The following HYAL4 variants were observed in gnomAD, a reference collection of about 807,000 sequenced individuals.
HYAL4 encodes the protein hyaluronidase-4.
A neutral mutation model predicts 35.2 loss-of-function variants in HYAL4; 37 were observed. The observed-to-expected ratio is 1.05, with a 90% CI of 0.81 to 1.38. HYAL4 has a LOEUF of 1.38. Ranked by LOEUF, HYAL4 falls within the 40% of genes most tolerant of loss-of-function variation. The probability of loss-of-function intolerance (pLI) is 0.00; values close to 1 mark genes in which losing one functional copy is unlikely to be tolerated. For synonymous variants in HYAL4, 198 were observed against 203.2 expected (o/e 0.97, Z 0.22); for missense variants, 572 against 572.4 (o/e 1.00, Z 0.01).
Position 123,868,415 on chromosome 7 carries a change from T to G in HYAL4, c.142T>G (p.Phe48Val). 6.2e-7 allele frequency: 1 copy of G among 1,613,078 alleles called. No homozygotes were observed. The highest frequency in any genetic ancestry group is 8.5e-7 in the Non-Finnish European group (1 of 1,179,638). Residue 48 changes from phenylalanine to valine, a missense_variant, in exon 3 of 5, where the codon TTT becomes GTT. Phe to Val is a conservative substitution (Grantham distance 50). Transcript: ENST00000223026. ...ACTTCCAATTTATCAAAGGAAACCT[T>G]TTATAGCTGCTTGGAATGCTCCAAC... The part of the protein sequence containing the change: ...ARLPIYQRKP[F>V]IAAWNAPTDQ...
At chr7:123,773,947 C>T in the HYAL4 span, among the ~76,000 whole-genome samples, 27 of 151,726 alleles carry the variant, frequency 1.8e-4, no homozygotes, top group African/African-American at 6.3e-4. Flanking sequence ...TTATGCATGG[C>T]AGTCTGCTAG....
chr7:123,785,841 A>T, the HYAL4 span, among the ~76,000 whole-genome samples: 13 of 152,194 alleles, frequency 8.5e-5, no homozygotes, highest in Non-Finnish European at 1.6e-4. The surrounding 1 kb of genome is among the most constrained non-coding windows in gnomAD (Gnocchi z 4.5). Flanking sequence ...TACATTGAAA[A>T]TATGTTGCCA....
the HYAL4 span, among the ~76,000 whole-genome samples, chr7:123,778,016 CTACT>C: frequency 6.6e-6 from 1 of 151,064 alleles, no homozygotes; most frequent in South Asian, 2.1e-4. Context: ...TTTATTTTAA[CTACT>C]TATTTTGAAA....
the HYAL4 span, among the ~76,000 whole-genome samples, chr7:123,768,959 C>T: frequency 6.6e-6 from 1 of 152,102 alleles, no homozygotes; most frequent in Non-Finnish European, 1.5e-5. Flanking sequence ...TTTTCAGAGA[C>T]CCATGAGCAT....
Position 123,869,085 on chromosome 7 carries a change from G to A in HYAL4, c.812G>A (p.Ser271Asn). Residue 271 changes from serine (S) to asparagine (N), a missense_variant, in exon 3 of 5, where the codon AGT becomes AAT. Transcript: ENST00000223026. ...SIGVWKSLGD[S>N]ENILRFSKFR... is the part of the protein sequence containing the mutation. ...GGTGTCTGGAAATCCCTTGGAGACA[G>A]TGAAAACATTTTGCGCTTCTCCAAA... The A allele has an allele frequency of 1.2e-6, 2 of 1,614,222 alleles. No homozygotes were observed. Among genetic ancestry groups the A allele is most frequent in the Non-Finnish European group, 1.7e-6 (2 of 1,180,040 alleles).
intron 2 of HYAL4, among the ~76,000 whole-genome samples, chr7:123,854,420 G>T (rs752827273): frequency 6.6e-6 from 1 of 152,138 alleles, no homozygotes; most frequent in Non-Finnish European, 1.5e-5. Context: ...GGTACATTGT[G>T]TCTTTGTTCT....
chr7:123,850,273 A>C (rs1404063179), intron 2 of HYAL4, among the ~76,000 whole-genome samples: 1 of 152,064 alleles, frequency 6.6e-6, no homozygotes, highest in Non-Finnish European at 1.5e-5. Flanking sequence ...ACAGGGTCTC[A>C]CTCTGTCACT....
At chr7:123,800,206 G>C in the HYAL4 span, among the ~76,000 whole-genome samples, 12 of 147,202 alleles carry the variant, frequency 8.2e-5, no homozygotes, top group East Asian at 2.6e-3. Flanking sequence ...GTCTTGCTCT[G>C]TCACCCAGGC....
chr7:123,857,348 G>A (rs999467626), intron 2 of HYAL4, among the ~76,000 whole-genome samples: 4 of 152,162 alleles, frequency 2.6e-5, no homozygotes, highest in African/African-American at 7.2e-5. Context: ...TGCAGGTTGC[G>A]AAGACCATGG....
chr7:123,868,272 C>T lies in HYAL4; in HGVS notation c.-2C>T, dbSNP rs1374164115. On this transcript the variant is annotated 5_prime_UTR_variant, in exon 3 of 5. Coordinates refer to ENST00000223026, the MANE Select transcript of HYAL4 (RefSeq NM_012269.3). ...AAGATAACGTAACATTTTTATCTTA[C>T]CATGAAAGTATTATCTGAAGGACAG... 1.2e-5 allele frequency: 18 copies of T among 1,502,692 alleles called. No homozygotes were observed. The highest frequency in any genetic ancestry group is 1.6e-5 in the Non-Finnish European group (18 of 1,122,092). The allele number at this position is 1,502,692 out of a possible 1,614,324, so 93.1% of individuals were successfully genotyped here.
chr7:123,856,957 G>A (rs769440234), intron 2 of HYAL4, among the ~76,000 whole-genome samples: 1 of 152,226 alleles, frequency 6.6e-6, no homozygotes, highest in Middle Eastern at 3.4e-3. Context: ...CACCCATTTC[G>A]AACTTCCCAG....
At chr7:123,806,034 G>A in the HYAL4 span, among the ~76,000 whole-genome samples, 1 of 151,904 alleles carries the variant, frequency 6.6e-6, no homozygotes, top group African/African-American at 2.4e-5. Context: ...AAATATATAT[G>A]GAAATGCAAA....
intron 1 of HYAL4, among the ~76,000 whole-genome samples, chr7:123,836,687 A>G (rs763557684): frequency 1.3e-5 from 2 of 150,478 alleles, no homozygotes; most frequent in African/African-American, 4.9e-5. Context: ...TGTGAGATTT[A>G]TGCTTTAAAG....
intron 1 of HYAL4, among the ~76,000 whole-genome samples, chr7:123,834,214 G>A (rs1417680770): frequency 6.6e-6 from 1 of 152,122 alleles, no homozygotes; most frequent in Non-Finnish European, 1.5e-5. Flanking sequence ...ACCCATCCAT[G>A]AGCATGGGAT....
the HYAL4 span, among the ~76,000 whole-genome samples, chr7:123,773,445 A>G: frequency 6.6e-6 from 1 of 152,182 alleles, no homozygotes; most frequent in Non-Finnish European, 1.5e-5. Context: ...TGCTACCTGA[A>G]ATTACATTAT....
chr7:123,778,029 A>G, the HYAL4 span, among the ~76,000 whole-genome samples: 1 of 152,044 alleles, frequency 6.6e-6, no homozygotes, highest in Non-Finnish European at 1.5e-5. Flanking sequence ...CTTATTTTGA[A>G]ATAATTTTGT....
At chr7:123,765,957 T>C in the HYAL4 span, among the ~76,000 whole-genome samples, 1 of 152,202 alleles carries the variant, frequency 6.6e-6, no homozygotes, top group Admixed American at 6.5e-5. Flanking sequence ...TTACTCTTCC[T>C]TAAGCTATTT....
At chr7:123,819,676 T>C in the HYAL4 span, among the ~76,000 whole-genome samples, 1 of 152,094 alleles carries the variant, frequency 6.6e-6, no homozygotes, top group Admixed American at 6.5e-5. Flanking sequence ...GTTTATGTCC[T>C]AGGGGTGTAA....
upstream of HYAL4, among the ~76,000 whole-genome samples, chr7:123,842,159 C>T (rs1806083938): frequency 6.6e-6 from 1 of 152,068 alleles, no homozygotes; most frequent in African/African-American, 2.4e-5. Context: ...CCTCTACACA[C>T]TGCTTTAAAT....
Sources: gnomAD v4.1 joint callset for allele counts (sites outside exome capture counted in the v4.1 genomes callset) on GRCh38, gnomAD v4.1.1 for gene constraint, Gnocchi (gnomAD v3.1) non-coding constraint, MANE v1.5 for transcripts, NCBI Gene and HGNC (gene_info 2026-07-23, HGNC 2026-07-21) for gene names.